The following PAK2 variants were observed in gnomAD, a reference collection of about 807,000 sequenced individuals.
PAK2 encodes the protein p21 (RAC1) activated kinase 2, also known as serine/threonine-protein kinase PAK 2.
In PAK2, 21 loss-of-function variants were observed where a neutral mutation model predicts 65.9. The ratio of observed to expected loss-of-function variants is 0.32; its 90% CI spans 0.23 to 0.46. PAK2 has a LOEUF of 0.46. Ranked by LOEUF, PAK2 falls within the 20% of genes least tolerant of loss-of-function variation. The pLI is 1.00. For synonymous variants in PAK2, 204 were observed against 219.7 expected (o/e 0.93, Z 0.63); for missense variants, 324 against 642.6 (o/e 0.50, Z 5.36).
At chr3:196,776,873 G>T (rs1158345951) in intron 1 of PAK2, among the ~76,000 whole-genome samples, 2 of 152,296 alleles carry the variant, frequency 1.3e-5, no homozygotes, top group South Asian at 2.1e-4. Flanking sequence ...CAGGTTTAGT[G>T]TAATACCAAA....
intron 1 of PAK2, among the ~76,000 whole-genome samples, chr3:196,743,927 G>A (rs1713288137): frequency 6.6e-6 from 1 of 152,052 alleles, no homozygotes; most frequent in South Asian, 2.1e-4. Context: ...CTAAAAGAAC[G>A]AAGTTTCTGA....
chr3:196,800,556 A>G (rs1257940499), intron 2 of PAK2, among the ~76,000 whole-genome samples: 1 of 152,256 alleles, frequency 6.6e-6, no homozygotes, highest in Non-Finnish European at 1.5e-5. Context: ...GACAAAAGAA[A>G]AAGAAGACTT....
chr3:196,751,476 C>T (rs574700023), intron 1 of PAK2, among the ~76,000 whole-genome samples: 9 of 150,872 alleles, frequency 6.0e-5, no homozygotes, highest in Non-Finnish European at 1.3e-4. Context: ...GCTAAAACCC[C>T]GTCTCTACTA....
intron 1 of PAK2, among the ~76,000 whole-genome samples, chr3:196,778,389 T>C (rs1469553950): frequency 6.6e-6 from 1 of 152,248 alleles, no homozygotes. Flanking sequence ...TTTTCAGTTC[T>C]CTTGGCTATA....
intron 8 of PAK2, 121 bp from the exon 9 acceptor site, chr3:196,812,098 G>T: frequency 1.7e-6 from 1 of 594,774 alleles, no homozygotes. Flanking sequence ...CTCCTTTTAA[G>T]CACGTTAGGT....
At chr3:196,745,536 G>A (rs1295439829) in intron 1 of PAK2, among the ~76,000 whole-genome samples, 3 of 151,982 alleles carry the variant, frequency 2.0e-5, no homozygotes, top group Non-Finnish European at 2.9e-5. Flanking sequence ...ATATTTGGCC[G>A]GGTGCAGTGG....
intron 2 of PAK2, among the ~76,000 whole-genome samples, chr3:196,788,093 C>A (rs371419031): frequency 6.6e-6 from 1 of 152,220 alleles, no homozygotes; most frequent in Non-Finnish European, 1.5e-5. Flanking sequence ...CTGCTTCTCT[C>A]GCTAGTCTTA....
intron 13 of PAK2, among the ~76,000 whole-genome samples, chr3:196,824,759 T>A (rs747679580): frequency 6.6e-6 from 1 of 151,394 alleles, no homozygotes; most frequent in Non-Finnish European, 1.5e-5. Context: ...AGCAGGAGGA[T>A]CTCTTGACCC....
chr3:196,763,665 T>C (rs1467714951), intron 1 of PAK2, among the ~76,000 whole-genome samples: 1 of 152,126 alleles, frequency 6.6e-6, no homozygotes, highest in Non-Finnish European at 1.5e-5. Flanking sequence ...AAATTGAAGA[T>C]TGCTTACGTT....
At chr3:196,810,449 A>C (rs1715738683) in intron 7 of PAK2, 141 bp from the exon 8 acceptor site, 1 of 644,148 alleles carries the variant, frequency 1.6e-6, no homozygotes, top group Non-Finnish European at 2.8e-6. Flanking sequence ...TTTGTGTTTG[A>C]AACCTGTTAT....
intron 1 of PAK2, among the ~76,000 whole-genome samples, chr3:196,772,848 TA>T (rs1448238265): frequency 6.6e-6 from 1 of 152,236 alleles, no homozygotes; most frequent in Non-Finnish European, 1.5e-5. Flanking sequence ...TAATTAGTGT[TA>T]CTGCATTCAT....
intron 2 of PAK2, among the ~76,000 whole-genome samples, chr3:196,794,462 C>G (rs1364834536): frequency 6.6e-6 from 1 of 152,220 alleles, no homozygotes; most frequent in Admixed American, 6.5e-5. Context: ...CTGCAACACC[C>G]GTTCCCCCTG....
chr3:196,746,291 T>C (rs1225242797), intron 1 of PAK2, among the ~76,000 whole-genome samples: 1 of 152,196 alleles, frequency 6.6e-6, no homozygotes, highest in African/African-American at 2.4e-5. Flanking sequence ...TGTTTCTGCT[T>C]TACAAAAAAT....
At chr3:196,815,704 T>C (rs915839259) in intron 11 of PAK2, among the ~76,000 whole-genome samples, 1 of 151,626 alleles carries the variant, frequency 6.6e-6, no homozygotes, top group East Asian at 1.9e-4. Flanking sequence ...GGAGATTAGC[T>C]TGAACCCAAG....
chr3:196,812,495 A>G lies in PAK2; in HGVS notation c.822+228A>G, dbSNP rs112814373. Among the ~76,000 whole-genome samples the G allele has an allele frequency of 5.4e-3, 821 of 152,290 alleles. 8 individuals carry two copies. The highest frequency in any genetic ancestry group is 0.019 in the African/African-American group (783 of 41,576). On this transcript the variant is annotated intron_variant, in intron 9 of 14. Transcript: ENST00000327134. ...ATTGTTTCCTCAGCTTGAAGTGAAAAGAGGATTAATTCTTAGTATTGGACT... is the reference window on the plus strand; with the variant it reads ...ATTGTTTCCTCAGCTTGAAGTGAAAGGAGGATTAATTCTTAGTATTGGACT...
At chr3:196,822,928 C>T (rs1711702490) in intron 13 of PAK2, among the ~76,000 whole-genome samples, 2 of 152,074 alleles carry the variant, frequency 1.3e-5, no homozygotes, top group African/African-American at 4.8e-5. Context: ...GAGCAAACAG[C>T]GAGAGGTGCG....
intron 2 of PAK2, among the ~76,000 whole-genome samples, chr3:196,793,342 T>TCC (rs1715136729): frequency 6.6e-6 from 1 of 152,186 alleles, no homozygotes; most frequent in Non-Finnish European, 1.5e-5. Context: ...CATCCTGCTT[T>TCC]CAGAATACCT....
At chr3:196,742,643 G>C (rs9810767) in intron 1 of PAK2, among the ~76,000 whole-genome samples, 7,890 of 152,144 alleles carry the variant, frequency 0.052, 300 homozygotes, top group Admixed American at 0.12. Flanking sequence ...CGCCGGGCGC[G>C]GTGGCTCACG....
chr3:196,810,564 AG>A (rs745682789), intron 7 of PAK2, 25 bp from the exon 8 acceptor site: 24 of 1,323,796 alleles, frequency 1.8e-5, no homozygotes, highest in Non-Finnish European at 2.6e-5. Flanking sequence ...TGCTTGACTG[AG>A]CTTCCAGCTT....
Sources: allele counts gnomAD v4.1 joint callset (sites outside exome capture counted in the v4.1 genomes callset), GRCh38; gene constraint gnomAD v4.1.1; transcripts MANE v1.5; gene names NCBI Gene and HGNC (gene_info 2026-07-23, HGNC 2026-07-21).